Variants in CEP192 observed in about 807,000 individuals in gnomAD.
The protein encoded by CEP192 is centrosomal protein of 192 kDa.
Under a neutral mutation model 271.8 loss-of-function variants are expected in CEP192, and 151 were observed. That is an observed-to-expected ratio of 0.56 (90% confidence interval 0.49 to 0.64). The LOEUF is 0.64. Among genes scored for constraint, CEP192 ranks in the 30% least tolerant of loss-of-function variants. CEP192 has a pLI of 0.00. For missense variants in CEP192, 2,910 were observed against 3,020.5 expected, an observed-to-expected ratio of 0.96 and a Z score of 0.86; for synonymous variants, 995 against 1,076.5, an observed-to-expected ratio of 0.92 and a Z score of 1.48.
chr18:12,998,416 G>A (rs991983603), intron 1 of CEP192, among the ~76,000 whole-genome samples: 7 of 152,184 alleles, frequency 4.6e-5, no homozygotes, highest in African/African-American at 1.7e-4. Flanking sequence ...TCAGACCTGG[G>A]TTTGAATCTT....
Position 13,104,967 on chromosome 18 carries a change from A to G in CEP192, c.6952-17A>G, listed in dbSNP as rs1479696758. 1 of 1,584,990 alleles carries G rather than the reference A, an allele frequency of 6.3e-7. No homozygotes were observed. The highest frequency in any genetic ancestry group is 1.1e-5 in the South Asian group (1 of 90,460). On this transcript the variant is annotated splice_polypyrimidine_tract_variant and intron_variant, in intron 39 of 44. Transcript: ENST00000506447. ...TGGCTTTATGGTTTTTAATTTGTTT[A>G]AATGATTGCTTTGCAGGGAGTTGAT...
Position 13,117,719 on chromosome 18 carries a change from G to A in CEP192, c.7475+76G>A, listed in dbSNP as rs2040497124. 4 of 1,078,120 alleles carry A rather than the reference G, an allele frequency of 3.7e-6. No homozygotes were observed. The Admixed American group carries it at 5.3e-5, about 14-fold the overall frequency. The allele number at this position is 1,078,120 out of a possible 1,614,324, so 66.8% of individuals were successfully genotyped here. A position where few individuals can be genotyped will look rare whatever the true frequency, so the allele number is the denominator to read the frequency against. On this transcript the variant is annotated intron_variant, in intron 44 of 44. Coordinates refer to ENST00000506447, the MANE Select transcript of CEP192 (RefSeq NM_032142.4). ...TCTCTTGGGAGTTGGGGCTTGTGAG[G>A]TCTCCTCTGCTGCAGGTCCTCCATA...
At chr18:13,028,799 T>A (rs1017063740) in intron 9 of CEP192, among the ~76,000 whole-genome samples, 13 of 152,162 alleles carry the variant, frequency 8.5e-5, no homozygotes, top group African/African-American at 3.1e-4. Flanking sequence ...GGATTACAGG[T>A]GTGAGCTACT....
intron 9 of CEP192, among the ~76,000 whole-genome samples, chr18:13,021,750 T>C (rs1301870109): frequency 6.6e-6 from 1 of 152,220 alleles, no homozygotes; most frequent in Admixed American, 6.5e-5. Context: ...ACACAGGATG[T>C]GTGTCCGTTT....
chr18:13,030,751 A>G (rs1599122814), intron 11 of CEP192, 143 bp downstream of exon 11: 14 of 637,430 alleles, frequency 2.2e-5, no homozygotes. Context: ...TTTTTATAGG[A>G]CCCAAGGTTT....
chr18:13,009,118 G>A (rs2145874955), intron 4 of CEP192, among the ~76,000 whole-genome samples: 1 of 150,640 alleles, frequency 6.6e-6, no homozygotes, highest in Non-Finnish European at 1.5e-5. Flanking sequence ...TCAGCTTCTC[G>A]AGTAGCTGGG....
intron 11 of CEP192, among the ~76,000 whole-genome samples, chr18:13,034,530 G>A (rs1027223495): frequency 1.3e-5 from 2 of 151,846 alleles, no homozygotes; most frequent in Non-Finnish European, 2.9e-5. Flanking sequence ...TGCCTCGGCC[G>A]GGCGCAGTGG....
rs1177497583 is a variant in CEP192, at chr18:13,056,125, G to T, written c.3535G>T (p.Val1179Leu). The T allele has an allele frequency of 1.4e-5, 23 of 1,613,024 alleles. No individual in the cohort carries two copies. The highest frequency in any genetic ancestry group is 2.0e-5 in the Non-Finnish European group (23 of 1,179,476). Residue 1179 changes from valine to leucine, a missense_variant, in exon 19 of 45, where the codon GTG (valine) becomes TTG (leucine). By Grantham distance (32) the Val-to-Leu change is conservative. Transcript: ENST00000506447. ...GGGCAAGTCAGGTCTGAGCTGTCAG[G>T]TGGGGTCAGCCACATCACACCCTGT... ...LLGKSGLSCQ[V>L]GSATSHPVSC...
chr18:13,056,107 T>G lies in CEP192; in HGVS notation c.3517T>G (p.Ser1173Ala). The change falls in exon 19 of 45, where the codon TCA (serine) becomes GCA (alanine). Residue 1173 changes from serine to alanine, a missense_variant. Ser to Ala is a moderately conservative substitution (Grantham distance 99, BLOSUM62 1). Transcript: ENST00000506447. Reference sequence around the variant, plus strand: ...GATCAGGCTGGCTCTCCTGGGCAAGTCAGGTCTGAGCTGTCAGGTGGGGTC... The same window carrying G: ...GATCAGGCTGGCTCTCCTGGGCAAGGCAGGTCTGAGCTGTCAGGTGGGGTC... ...DPIRLALLGKSGLSCQVGSAT... is the reference protein window; with the variant it reads ...DPIRLALLGKAGLSCQVGSAT... The G allele has an allele frequency of 6.2e-7, 1 of 1,613,346 alleles. No homozygotes were observed. Among genetic ancestry groups the G allele is most frequent in the Non-Finnish European group, 8.5e-7 (1 of 1,179,564 alleles).
Position 13,087,691 on chromosome 18 carries a change from A to G in CEP192, c.5993+45A>G, listed in dbSNP as rs753945606. The G allele has an allele frequency of 6.3e-6, 6 of 952,480 alleles. No homozygotes were observed. The African/African-American group carries it at 1.0e-4, about 16-fold the overall frequency. 59.0% of individuals were successfully genotyped at this position (952,480 alleles called of 1,614,324 possible). On this transcript the variant is annotated intron_variant, in intron 32 of 44. Coordinates refer to ENST00000506447, the MANE Select transcript of CEP192 (RefSeq NM_032142.4). ...CAATGTTGGGAACCATTCAGCAGAAATAATGAAGGCTTCTGTGGCTTGGGA... is the reference window on the plus strand; with the variant it reads ...CAATGTTGGGAACCATTCAGCAGAAGTAATGAAGGCTTCTGTGGCTTGGGA...
intron 17 of CEP192, among the ~76,000 whole-genome samples, chr18:13,051,613 G>A (rs537530462): frequency 1.6e-4 from 25 of 151,902 alleles, no homozygotes; most frequent in Non-Finnish European, 3.2e-4. Context: ...GTGCAATCTC[G>A]GCTCACTGCA....
chr18:13,003,901 AGCGAACAG>A (rs1409490574), intron 3 of CEP192, among the ~76,000 whole-genome samples: 1 of 152,136 alleles, frequency 6.6e-6, no homozygotes, highest in African/African-American at 2.4e-5. Context: ...GATGGAAGAG[AGCGAACAG>A]GCGTGGTCCT....
intron 44 of CEP192, among the ~76,000 whole-genome samples, chr18:13,118,088 GAC>G (rs1447225053): frequency 5.3e-5 from 8 of 152,166 alleles, no homozygotes; most frequent in Admixed American, 5.2e-4. Context: ...CCATTCTTTA[GAC>G]ACTCCTTACT....
At chr18:13,001,422 A>G in intron 2 of CEP192, 35 bp from the exon 3 acceptor site, 1 of 1,428,600 alleles carries the variant, frequency 7.0e-7, no homozygotes, top group Non-Finnish European at 9.6e-7. Flanking sequence ...GTGTAATTTA[A>G]TTCTTAACAA....
chr18:13,109,604 C>T (rs2040117225), intron 40 of CEP192, among the ~76,000 whole-genome samples: 1 of 151,768 alleles, frequency 6.6e-6, no homozygotes, highest in African/African-American at 2.4e-5. Context: ...AGGTGTCATA[C>T]ATCTATTTTA....
In CEP192 at chr18:13,019,067, T is replaced by C. The variant is rs1029497131; in HGVS notation, c.926-15T>C. 9.8e-6 allele frequency: 15 copies of C among 1,523,566 alleles called. No homozygotes were observed. The highest frequency in any genetic ancestry group is 1.3e-5 in the Non-Finnish European group (15 of 1,136,782). The allele number at this position is 1,523,566 out of a possible 1,614,324, so 94.4% of individuals were successfully genotyped here. On this transcript the variant is annotated splice_polypyrimidine_tract_variant and intron_variant, in intron 8 of 44. Coordinates refer to ENST00000506447, the MANE Select transcript of CEP192 (RefSeq NM_032142.4). ...TTTGATGTGGCTCCTTTAACATTTT[T>C]CTTTATTTTTTCAGGTAATTCTATA...
chr18:13,056,275 C>G lies in CEP192; in HGVS notation c.3685C>G (p.Pro1229Ala), dbSNP rs777458728. ...TTSENQCTPI[P>A]SSTVHSSVAD... ...CTCTGAAAACCAGTGTACTCCTATT[C>G]CCAGCAGCACAGTTCACAGCTCTGT... The change falls in exon 19 of 45, where the codon CCC (proline) becomes GCC (alanine). Residue 1229 changes from proline (P) to alanine (A), a missense_variant. Physicochemically the swap from Pro to Ala is conservative, Grantham distance 27. Transcript: ENST00000506447. 1.9e-6 allele frequency: 3 copies of G among 1,613,778 alleles called. No homozygotes were observed. The South Asian group carries it at 3.3e-5, about 18-fold the overall frequency.
At chr18:13,083,557 G>T (rs922175714) in intron 30 of CEP192, among the ~76,000 whole-genome samples, 1 of 152,120 alleles carries the variant, frequency 6.6e-6, no homozygotes, top group Non-Finnish European at 1.5e-5. Flanking sequence ...CGATGGGTTC[G>T]AACATTCTCC....
At chr18:13,124,014 G>A (rs1317429226) in intron 44 of CEP192, among the ~76,000 whole-genome samples, 1 of 152,098 alleles carries the variant, frequency 6.6e-6, no homozygotes, top group Non-Finnish European at 1.5e-5. Context: ...ACAAAAATTA[G>A]CTGGGTGCGG....
Sources: allele counts gnomAD v4.1 joint callset (sites outside exome capture counted in the v4.1 genomes callset), GRCh38; gene constraint gnomAD v4.1.1; transcripts MANE v1.5; gene names NCBI Gene and HGNC (gene_info 2026-07-23, HGNC 2026-07-21).